ESPN: variants seen among roughly 807,000 people sequenced by gnomAD.
ESPN encodes the protein espin, also known as autosomal recessive deafness type 36 protein.
Under a neutral mutation model 77.7 loss-of-function variants are expected in ESPN, and 68 were observed. The observed-to-expected ratio is 0.87, with a 90% CI of 0.72 to 1.07. The LOEUF is 1.07. Ranked by LOEUF, ESPN falls within the 50% of genes least tolerant of loss-of-function variation. The pLI is 0.00. For synonymous variants in ESPN, 449 were observed against 567.1 expected, an observed-to-expected ratio of 0.79 and a Z score of 2.96; for missense variants, 1,060 against 1,239.0, an observed-to-expected ratio of 0.86 and a Z score of 2.17.
chr1:6,425,113 G>A lies in ESPN; in HGVS notation c.158G>A (p.Arg53His), dbSNP rs1394512824. 3 of 1,508,090 alleles carry A rather than the reference G, an allele frequency of 2.0e-6. No individual in the cohort carries two copies. The highest frequency in any genetic ancestry group is 2.9e-5 in the African/African-American group (2 of 69,420). The allele number at this position is 1,508,090 out of a possible 1,614,324, so 93.4% of individuals were successfully genotyped here. A position where few individuals can be genotyped will look rare whatever the true frequency, so the allele number is the denominator to read the frequency against. The change falls in exon 1 of 13, where the codon CGC becomes CAC. Residue 53 changes from arginine to histidine, a missense_variant. Coordinates refer to ENST00000645284, the MANE Select transcript of ESPN (RefSeq NM_031475.3). ...AARAGKLHCL[R>H]FLVEEAALPA... is the part of the protein sequence containing the mutation. ...CGCGCTGGGAAGCTGCACTGTCTGC[G>A]CTTCCTGGTGGAGGAAGCCGCCCTC...
chr1:6,431,653 AG>A (rs1222952870), intron 2 of ESPN, among the ~76,000 whole-genome samples: 53 of 147,402 alleles, frequency 3.6e-4, no homozygotes, highest in African/African-American at 1.3e-3. Flanking sequence ...AAAAAAAAAA[AG>A]GAACGAACGA....
Position 6,448,941 on chromosome 1 carries a change from C to G in ESPN, c.1765C>G (p.Pro589Ala). 2.8e-6 allele frequency: 4 copies of G among 1,407,498 alleles called. No homozygotes were observed. Among genetic ancestry groups the G allele is most frequent in the Non-Finnish European group, 3.7e-6 (4 of 1,086,108 alleles). 87.2% of individuals were successfully genotyped at this position (1,407,498 alleles called of 1,614,324 possible). The change falls in exon 8 of 13, where the codon CCC becomes GCC. Residue 589 changes from proline (P) to alanine (A), a missense_variant. Coordinates refer to ENST00000645284, the MANE Select transcript of ESPN (RefSeq NM_031475.3). Reference protein sequence around the residue: ...NHVPNGCAADPKASRELPPPP... With the variant: ...NHVPNGCAADAKASRELPPPP... The stretch of plus-strand genomic sequence containing the variant: ...TGTTCCTAACGGCTGCGCCGCGGAC[C>G]CCAAGGCGTCCAGGGAGCTGCCACC...
At chr1:6,459,543 C>T (rs906500967) in intron 12 of ESPN, among the ~76,000 whole-genome samples, 1 of 151,468 alleles carries the variant, frequency 6.6e-6, no homozygotes, top group Non-Finnish European at 1.5e-5. Context: ...GCAGATCTAC[C>T]CTCTATGTTC....
At chr1:6,459,244 TA>T (rs56360855) in intron 12 of ESPN, among the ~76,000 whole-genome samples, 29,947 of 140,690 alleles carry the variant, frequency 0.21, 6,023 homozygotes, top group African/African-American at 0.54. Context: ...CTGTCTCAAT[TA>T]AAAAAAAAAA....
chr1:6,447,791 C>T lies in ESPN; in HGVS notation c.1465-850C>T, dbSNP rs1254679099. On this transcript the variant is annotated intron_variant, in intron 7 of 12. Coordinates refer to ENST00000645284, the MANE Select transcript of ESPN (RefSeq NM_031475.3). The surrounding 1 kb of genome is among the most constrained non-coding windows in gnomAD (Gnocchi z 5.2). ...GAGGCCTCCTCTGCCCACAGTCAGC[C>T]CTCTCCCCTCTCGGGCGGGGATGAA... Among the ~76,000 whole-genome samples the T allele has an allele frequency of 2.6e-5, 4 of 152,130 alleles. No homozygotes were observed. Among genetic ancestry groups the T allele is most frequent in the East Asian group, 3.9e-4 (2 of 5,150 alleles).
Position 6,451,381 on chromosome 1 carries a change from TG to T in ESPN, c.1916-218del. On this transcript the variant is annotated intron_variant, in intron 8 of 12. Coordinates refer to ENST00000645284, the MANE Select transcript of ESPN (RefSeq NM_031475.3). This position sits in a 1 kb window ranked among gnomAD's most constrained non-coding sequence, Gnocchi z 4.3. The stretch of plus-strand genomic sequence containing the variant: ...GGGGCCCTCCATCCCGTGAGTAGGG[TG>T]GGGAAGATGGTGGGGTTGCCACAGT... 1 of 619,350 alleles carries T rather than the reference TG, an allele frequency of 1.6e-6. No individual in the cohort carries two copies. The highest frequency in any genetic ancestry group is 2.8e-6 in the Non-Finnish European group (1 of 352,356). The allele number at this position is 619,350 out of a possible 1,614,324, so 38.4% of individuals were successfully genotyped here.
At position 6,428,163 on chromosome 1, in the gene ESPN, T is replaced by C. The variant is rs1397792337; in HGVS notation, c.295-63T>C. The C allele has an allele frequency of 1.7e-5, 27 of 1,554,768 alleles. 1 individual carries two copies. In the Admixed American group the frequency reaches 2.0e-4, roughly 12 times the overall value. On this transcript the variant is annotated intron_variant, in intron 1 of 12. Transcript: ENST00000645284. This position sits in a 1 kb window ranked among gnomAD's most constrained non-coding sequence, Gnocchi z 5.4. ...TTCCAGGCCTGTGGGAGTCTGGGAGTGGCCCAAGCCAGGGGCGGGGCAGCA... is the reference window on the plus strand; with the variant it reads ...TTCCAGGCCTGTGGGAGTCTGGGAGCGGCCCAAGCCAGGGGCGGGGCAGCA...
In ESPN at chr1:6,455,218, G is replaced by T. The variant is rs140560090; in HGVS notation, c.2326-1966G>T. 4.2e-3 allele frequency: 1,629 copies of T among 389,466 alleles called. 5 individuals are homozygous for T. The highest frequency in any genetic ancestry group is 0.013 in the East Asian group (351 of 27,470). The allele number at this position is 389,466 out of a possible 1,614,324, so 24.1% of individuals were successfully genotyped here. A position where few individuals can be genotyped will look rare whatever the true frequency, so the allele number is the denominator to read the frequency against. The stretch of plus-strand genomic sequence containing the variant: ...CCTGAGCCCGAGCAGCTGGCGCGCC[G>T]GCCGCCCCTCTGCACGAAGCTGCGC... On this transcript the variant is annotated intron_variant, in intron 10 of 12. Transcript: ENST00000645284.
At chr1:6,430,632 G>C (rs538053438) in intron 2 of ESPN, among the ~76,000 whole-genome samples, 2 of 152,276 alleles carry the variant, frequency 1.3e-5, no homozygotes, top group South Asian at 4.1e-4. Flanking sequence ...TTAGCCAGGC[G>C]TGGTGGCGCA....
chr1:6,426,981 C>T (rs1479732718), intron 1 of ESPN, among the ~76,000 whole-genome samples: 5 of 152,108 alleles, frequency 3.3e-5, no homozygotes, highest in Admixed American at 3.3e-4. Flanking sequence ...CGCAGGCTGC[C>T]TGAAGACCCT....
chr1:6,433,030 G>A (rs2148509257), intron 2 of ESPN, among the ~76,000 whole-genome samples: 1 of 152,260 alleles, frequency 6.6e-6, no homozygotes, highest in South Asian at 2.1e-4. Flanking sequence ...GCTGAGGCAG[G>A]AGAATTGCTG....
chr1:6,440,797 G>C lies in ESPN; in HGVS notation c.847G>C (p.Gly283Arg), dbSNP rs1263000793. ...GTPLHDAAENGELECCQILVV... is the reference protein window; with the variant it reads ...GTPLHDAAENRELECCQILVV... ...CCCGCTGCACGACGCCGCCGAGAAC[G>C]GGGAGCTAGAGGTCAGCGCGGGCCC... Residue 283 changes from glycine (G) to arginine (R), a missense_variant, in exon 4 of 13, where the codon GGG (glycine) becomes CGG (arginine). By Grantham distance (125) the Gly-to-Arg change is moderately radical. Around this residue, in one of 3 missense-constraint regions of ESPN, gnomAD observed 556 missense variants for 633.6 expected, o/e 0.88. Coordinates refer to ENST00000645284, the MANE Select transcript of ESPN (RefSeq NM_031475.3). 6 of 1,508,294 alleles carry C rather than the reference G, an allele frequency of 4.0e-6. No homozygotes were observed. The highest frequency in any genetic ancestry group is 2.7e-5 in the East Asian group (1 of 37,522). 93.4% of individuals were successfully genotyped at this position (1,508,294 alleles called of 1,614,324 possible). A position where few individuals can be genotyped will look rare whatever the true frequency, so the allele number is the denominator to read the frequency against.
intron 10 of ESPN, chr1:6,455,975 G>C: frequency 2.5e-6 from 1 of 398,636 alleles, no homozygotes. Flanking sequence ...ACCCGCCTGA[G>C]GGGCAGCCCG....
At chr1:6,434,284 C>A (rs997240079) in intron 2 of ESPN, among the ~76,000 whole-genome samples, 1 of 152,196 alleles carries the variant, frequency 6.6e-6, no homozygotes, top group African/African-American at 2.4e-5. Context: ...TAGGAGAAAC[C>A]CCTGAGACAC....
rs138558584 is a variant in ESPN at position 6,446,656 on chromosome 1, G to A, written c.1464+721G>A. 3.1e-3 allele frequency among the ~76,000 whole-genome samples: 469 copies of A among 152,284 alleles called. 1 individual carries two copies. The highest frequency in any genetic ancestry group is 8.5e-3 in the East Asian group (44 of 5,180). On this transcript the variant is annotated intron_variant, in intron 7 of 12. Transcript: ENST00000645284. ...GCAGAGGTCTGGTCTGAGCAATTCC[G>A]GGTATCCCGGGCAGGGTGCCCTGGG...
At position 6,460,237 on chromosome 1, in the gene ESPN, C is replaced by G. The variant is rs536497264; in HGVS notation, c.*91C>G. 1.3e-3 allele frequency: 1,925 copies of G among 1,490,400 alleles called. 22 individuals are homozygous for G. In the South Asian group the frequency reaches 0.017, roughly 13 times the overall value. 92.3% of individuals were successfully genotyped at this position (1,490,400 alleles called of 1,614,324 possible). A position where few individuals can be genotyped will look rare whatever the true frequency, so the allele number is the denominator to read the frequency against. On this transcript the variant is annotated 3_prime_UTR_variant, in exon 13 of 13. Transcript: ENST00000645284. ...CAGGCCCTGGTGGAAAGGCTGGGAG[C>G]CGCACAGCCCTCCCCTCCTGCGCTG...
At chr1:6,449,329 C>T (rs1475831380) in intron 8 of ESPN, among the ~76,000 whole-genome samples, 1 of 152,200 alleles carries the variant, frequency 6.6e-6, no homozygotes, top group African/African-American at 2.4e-5. Flanking sequence ...CCAATCTGGG[C>T]CTGCCTCCCA....
chr1:6,441,277 G>C (rs1318373598), intron 5 of ESPN, among the ~76,000 whole-genome samples: 1 of 152,168 alleles, frequency 6.6e-6, no homozygotes, highest in Non-Finnish European at 1.5e-5. Flanking sequence ...GGGAAGACCA[G>C]AGTCACCCCA....
chr1:6,440,075 G>A (rs1225564504), intron 2 of ESPN, among the ~76,000 whole-genome samples, 179 bp from the exon 3 acceptor site: 1 of 152,070 alleles, frequency 6.6e-6, no homozygotes, highest in Non-Finnish European at 1.5e-5. Context: ...CTCTGAGGGA[G>A]GGTGGCTCAG....
Sources: allele counts gnomAD v4.1 joint callset (sites outside exome capture counted in the v4.1 genomes callset), GRCh38; gene constraint gnomAD v4.1.1; regional missense constraint gnomAD v4.1.1; non-coding constraint Gnocchi (gnomAD v3.1); transcripts MANE v1.5; gene names NCBI Gene and HGNC (gene_info 2026-07-23, HGNC 2026-07-21).